Variants in UNKL observed in about 807,000 individuals in gnomAD.
UNKL encodes putative E3 ubiquitin-protein ligase UNKL.
A neutral mutation model predicts 78.0 loss-of-function variants in UNKL; 60 were observed. The observed-to-expected ratio is 0.77, with a 90% confidence interval of 0.63 to 0.95. The LOEUF is 0.95. Ranked by LOEUF, UNKL falls within the 40% of genes least tolerant of loss-of-function variation. The probability of loss-of-function intolerance (pLI) is 0.00; values close to 1 mark genes in which losing one functional copy is unlikely to be tolerated. For synonymous variants in UNKL, 608 were observed against 474.8 expected, an observed-to-expected ratio of 1.28 and a Z score of -3.65; for missense variants, 1,159 against 1,045.7, an observed-to-expected ratio of 1.11 and a Z score of -1.49.
intron 4 of UNKL, 39 bp downstream of exon 4, chr16:1,401,529 C>A (rs762971914): frequency 2.5e-5 from 37 of 1,471,564 alleles, no homozygotes; most frequent in Admixed American, 6.5e-5. Flanking sequence ...CTGTGCCCGC[C>A]CCCCCCACCA....
Position 1,399,252 on chromosome 16 carries a change from C to A in UNKL, c.734+122G>T. 2 of 1,393,372 alleles carry A rather than the reference C, an allele frequency of 1.4e-6. No homozygotes were observed. Among genetic ancestry groups the A allele is most frequent in the South Asian group, 3.0e-5 (2 of 66,030 alleles). 86.3% of individuals were successfully genotyped at this position (1,393,372 alleles called of 1,614,324 possible). A position where few individuals can be genotyped will look rare whatever the true frequency, so the allele number is the denominator to read the frequency against. On this transcript the variant is annotated intron_variant, in intron 5 of 14. Transcript: ENST00000389221. This position sits in a 1 kb window ranked among gnomAD's most constrained non-coding sequence, Gnocchi z 5.8. ...TGTGCTTGGAGATGCCCTCCCCTCC[C>A]GGGGATGATGGTGCCACAAGGGCAG...
At chr16:1,370,014 G>A in intron 12 of UNKL, 116 bp downstream of exon 12, 1 of 1,551,236 alleles carries the variant, frequency 6.4e-7, no homozygotes, top group African/African-American at 1.4e-5. Flanking sequence ...CATGTGGTTT[G>A]CCACCACAGA....
At chr16:1,398,684 C>G in intron 5 of UNKL, 2 of 1,035,394 alleles carry the variant, frequency 1.9e-6, no homozygotes, top group Non-Finnish European at 2.4e-6. Flanking sequence ...GGTCTGCACC[C>G]CCCCACCCCC....
At chr16:1,404,704 A>G (rs2037670590) in intron 2 of UNKL, among the ~76,000 whole-genome samples, 1 of 152,236 alleles carries the variant, frequency 6.6e-6, no homozygotes, top group Non-Finnish European at 1.5e-5. Context: ...CAAGAGGCAG[A>G]AACCACCCAA....
At chr16:1,396,246 ATG>A (rs1175556212) in intron 6 of UNKL, among the ~76,000 whole-genome samples, 1 of 145,520 alleles carries the variant, frequency 6.9e-6, no homozygotes, top group Non-Finnish European at 1.5e-5. Flanking sequence ...TGGCCTGAAC[ATG>A]TGTTTTGTTT....
At chr16:1,377,557 C>G (rs2036327463) in intron 10 of UNKL, among the ~76,000 whole-genome samples, 1 of 152,098 alleles carries the variant, frequency 6.6e-6, no homozygotes, top group South Asian at 2.1e-4. Context: ...ACTCTGCCCA[C>G]CGCTGCCCCG....
At chr16:1,391,257 C>CAA (rs763861328) in intron 8 of UNKL, among the ~76,000 whole-genome samples, 12 of 148,578 alleles carry the variant, frequency 8.1e-5, no homozygotes, top group South Asian at 2.1e-4. Flanking sequence ...CACACACACA[C>CAA]ACACACACAC....
At chr16:1,377,132 C>T (rs2036296242) in intron 10 of UNKL, among the ~76,000 whole-genome samples, 1 of 152,150 alleles carries the variant, frequency 6.6e-6, no homozygotes, top group African/African-American at 2.4e-5. Context: ...AAGCTATTCT[C>T]CTGCCTCAGC....
At chr16:1,385,056 C>T (rs888264859) in intron 10 of UNKL, among the ~76,000 whole-genome samples, 152 bp downstream of exon 10, 1 of 152,256 alleles carries the variant, frequency 6.6e-6, no homozygotes, top group African/African-American at 2.4e-5. Flanking sequence ...TGCAACACAA[C>T]CAAAGTGACA....
At chr16:1,409,134 G>C (rs1344998637) in intron 2 of UNKL, among the ~76,000 whole-genome samples, 5 of 152,044 alleles carry the variant, frequency 3.3e-5, no homozygotes, top group Middle Eastern at 3.2e-3. Context: ...GGATGGTCTC[G>C]ATCTCCCGAC....
intron 9 of UNKL, 139 bp from the exon 10 acceptor site, chr16:1,385,524 C>T (rs1046508351): frequency 2.3e-6 from 2 of 869,578 alleles, no homozygotes; most frequent in African/African-American, 3.5e-5. Flanking sequence ...CTTCCCAGAC[C>T]CGGAGGGACT....
rs185646663 is a variant in UNKL at position 1,364,092 on chromosome 16, A to G, written c.*2148T>C. ...GGGAACCAAGTGCATAAATACAAATAAAAACAGAGTTTACACATCGATGAC... is the reference window on the plus strand; with the variant it reads ...GGGAACCAAGTGCATAAATACAAATGAAAACAGAGTTTACACATCGATGAC... On this transcript the variant is annotated 3_prime_UTR_variant, in exon 15 of 15. Transcript: ENST00000389221. 6.6e-6 allele frequency: 1 copy of G among 152,358 alleles called. No homozygotes were observed. The highest frequency in any genetic ancestry group is 1.5e-5 in the Non-Finnish European group (1 of 68,036). The allele number at this position is 152,358 out of a possible 1,614,324, so 9.4% of individuals were successfully genotyped here. A position where few individuals can be genotyped will look rare whatever the true frequency, so the allele number is the denominator to read the frequency against.
chr16:1,413,869 G>T lies in UNKL; in HGVS notation c.264C>A (p.Thr88=), dbSNP rs781446783. The T allele has an allele frequency of 1.3e-6, 2 of 1,531,508 alleles. No homozygotes were observed. The highest frequency in any genetic ancestry group is 1.8e-6 in the Non-Finnish European group (2 of 1,131,108). 94.9% of individuals were successfully genotyped at this position (1,531,508 alleles called of 1,614,324 possible). The part of the protein sequence containing the change: ...DVYCSKYNEA[T]GVCPDGDECP... The stretch of plus-strand genomic sequence containing the variant: ...ACTCGTCGCCGTCGGGGCACACGCC[G>T]GTGGCTTCGTTGTACTTGGAGCAGT... The change falls in exon 2 of 15, where the codon ACC becomes ACA. Residue 88 remains threonine, a synonymous_variant. Coordinates refer to ENST00000389221, the MANE Select transcript of UNKL (RefSeq NM_001372107.1).
intron 10 of UNKL, among the ~76,000 whole-genome samples, chr16:1,374,646 G>A (rs964751439): frequency 4.6e-5 from 7 of 152,026 alleles, no homozygotes; most frequent in Non-Finnish European, 8.8e-5. Context: ...TCCCGCCCTC[G>A]CAGACCTCCT....
intron 1 of UNKL, 71 bp from the exon 2 acceptor site, chr16:1,414,126 G>T (rs2038172309): frequency 1.4e-6 from 2 of 1,440,386 alleles, no homozygotes; most frequent in African/African-American, 1.4e-5. Flanking sequence ...TGGGCGGCGG[G>T]ACCCACCGGC....
At chr16:1,377,083 C>T (rs1382564658) in intron 10 of UNKL, among the ~76,000 whole-genome samples, 2 of 152,070 alleles carry the variant, frequency 1.3e-5, no homozygotes, top group East Asian at 1.9e-4. Context: ...AGTGCAATGG[C>T]GCGATCTCAG....
chr16:1,370,499 G>A lies in UNKL; in HGVS notation c.1358-142C>T, dbSNP rs1256005644. 12 of 1,334,948 alleles carry A rather than the reference G, an allele frequency of 9.0e-6. 1 individual carries two copies. The highest frequency in any genetic ancestry group is 1.2e-5 in the Non-Finnish European group (12 of 1,005,064). The allele number at this position is 1,334,948 out of a possible 1,614,324, so 82.7% of individuals were successfully genotyped here. ...GGGTGGGAATATAGGGGCCAGGCCA[G>A]CCACCACCATCTATGTGTTTGGAGC... On this transcript the variant is annotated intron_variant, in intron 11 of 14. Coordinates refer to ENST00000389221, the MANE Select transcript of UNKL (RefSeq NM_001372107.1).
intron 2 of UNKL, among the ~76,000 whole-genome samples, chr16:1,407,693 CAAA>C (rs796468528): frequency 7.5e-5 from 6 of 80,530 alleles, no homozygotes; most frequent in African/African-American, 4.2e-5. Context: ...GAGGCCCTGT[CAAA>C]AAAAAAAAAA....
chr16:1,385,216 G>A lies in UNKL; in HGVS notation c.1256C>T (p.Ala419Val). 1 of 1,284,940 alleles carries A rather than the reference G, an allele frequency of 7.8e-7. No individual in the cohort carries two copies. The highest frequency in any genetic ancestry group is 1.5e-5 in the African/African-American group (1 of 64,596). 79.6% of individuals were successfully genotyped at this position (1,284,940 alleles called of 1,614,324 possible). The change falls in exon 10 of 15, where the codon GCC (alanine) becomes GTC (valine). Residue 419 changes from alanine (A) to valine (V), a missense_variant. Physicochemically the swap from Ala to Val is moderately conservative, Grantham distance 64. Transcript: ENST00000389221. ...GACGGTGCTGGACTTACCGAGGACG[G>A]CCTCCACAGTGCTGCTGGCGGGGCC... The part of the protein sequence containing the change: ...PLGPASSTVE[A>V]VLGSALDLHL...
Sources: allele counts gnomAD v4.1 joint callset (sites outside exome capture counted in the v4.1 genomes callset), GRCh38; gene constraint gnomAD v4.1.1; non-coding constraint Gnocchi (gnomAD v3.1); transcripts MANE v1.5; gene names NCBI Gene and HGNC (gene_info 2026-07-23, HGNC 2026-07-21).